Variants in FER1L6 observed in about 807,000 individuals in gnomAD.
FER1L6 encodes fer-1-like protein 6.
In FER1L6, 177 loss-of-function variants were observed where a neutral mutation model predicts 219.2. The observed-to-expected ratio is 0.81, with a 90% CI of 0.71 to 0.91. The LOEUF is 0.91. Ranked by LOEUF, FER1L6 falls within the 40% of genes least tolerant of loss-of-function variation. The probability of loss-of-function intolerance (pLI) is 0.00; values close to 1 mark genes in which losing one functional copy is unlikely to be tolerated. For synonymous variants in FER1L6, 768 were observed against 824.3 expected, an observed-to-expected ratio of 0.93 and a Z score of 1.17; for missense variants, 2,153 against 2,259.9, an observed-to-expected ratio of 0.95 and a Z score of 0.96.
chr8:123,950,647 T>A (rs1814718747), intron 1 of FER1L6, among the ~76,000 whole-genome samples: 1 of 152,186 alleles, frequency 6.6e-6, no homozygotes, highest in African/African-American at 2.4e-5. Context: ...AGATTCTCAA[T>A]CACTGTTTGT....
chr8:124,101,691 C>T (rs1172503101), intron 38 of FER1L6, among the ~76,000 whole-genome samples: 1 of 152,168 alleles, frequency 6.6e-6, no homozygotes, highest in Non-Finnish European at 1.5e-5. Context: ...AATTAAAGAG[C>T]ACTCCGTAGT....
At chr8:123,939,238 A>G (rs925031275) in intron 1 of FER1L6, 2 of 966,232 alleles carry the variant, frequency 2.1e-6, no homozygotes, top group African/African-American at 1.8e-5. Context: ...GGGAACCATG[A>G]CATTCTGTGG....
chr8:123,928,850 C>T (rs774776673), intron 1 of FER1L6, among the ~76,000 whole-genome samples: 1 of 152,174 alleles, frequency 6.6e-6, no homozygotes, highest in Non-Finnish European at 1.5e-5. Flanking sequence ...GTCATTCTTA[C>T]AGGAGTCATC....
intron 1 of FER1L6, among the ~76,000 whole-genome samples, chr8:123,902,331 C>T (rs1812874715): frequency 6.6e-6 from 1 of 152,134 alleles, no homozygotes; most frequent in South Asian, 2.1e-4. Flanking sequence ...CCATTTGTTT[C>T]AAGATATAGT....
chr8:124,003,059 A>T, intron 12 of FER1L6, 108 bp from the exon 13 acceptor site: 1 of 854,548 alleles, frequency 1.2e-6, no homozygotes, highest in Non-Finnish European at 1.9e-6. Flanking sequence ...TCATAATGGG[A>T]GCTTACCTTA....
chr8:123,938,538 G>A (rs1814093480), intron 1 of FER1L6, among the ~76,000 whole-genome samples: 1 of 122,670 alleles, frequency 8.2e-6, no homozygotes, highest in Non-Finnish European at 1.6e-5. Context: ...CAATTTACCT[G>A]AAATTTTTTT....
At chr8:124,067,705 G>A (rs1820885358) in intron 27 of FER1L6, 62 bp from the exon 28 acceptor site, 1 of 1,400,104 alleles carries the variant, frequency 7.1e-7, no homozygotes. Context: ...TGAGATAATT[G>A]TTAGCAGTCA....
rs568838743 is a variant in FER1L6, at chr8:124,035,698, T to C, written c.2464+244T>C. ...TGTTTCTCTGTTAATAGAGAGGAAG[T>C]AATTTGAGTTTCTTTGTAGGCAGAT... On this transcript the variant is annotated intron_variant, in intron 19 of 40. Transcript: ENST00000522917. 2.0e-5 allele frequency among the ~76,000 whole-genome samples: 3 copies of C among 152,344 alleles called. No homozygotes were observed. The South Asian group carries it at 6.2e-4, about 32-fold the overall frequency.
chr8:123,882,665 A>G (rs1357765165), intron 1 of FER1L6, among the ~76,000 whole-genome samples: 1 of 152,216 alleles, frequency 6.6e-6, no homozygotes, highest in East Asian at 1.9e-4. Flanking sequence ...TAAAATAGAT[A>G]TGAAACAAAT....
chr8:123,942,272 G>A (rs543135593), intron 1 of FER1L6, among the ~76,000 whole-genome samples: 2 of 152,264 alleles, frequency 1.3e-5, no homozygotes, highest in African/African-American at 4.8e-5. Context: ...ACCATTGCCA[G>A]CCCACAGGGG....
At chr8:123,953,159 T>C (rs890534844) in intron 1 of FER1L6, among the ~76,000 whole-genome samples, 5 of 152,170 alleles carry the variant, frequency 3.3e-5, no homozygotes, top group Admixed American at 2.6e-4. Flanking sequence ...AGAAATCAAT[T>C]TTCATCAAGA....
At chr8:123,965,501 G>T (rs1815497402) in intron 3 of FER1L6, among the ~76,000 whole-genome samples, 2 of 152,146 alleles carry the variant, frequency 1.3e-5, no homozygotes. Flanking sequence ...GAAATTTCAT[G>T]GAGATGGTAT....
At chr8:123,955,915 G>T in intron 1 of FER1L6, 77 bp from the exon 2 acceptor site, 1 of 1,377,048 alleles carries the variant, frequency 7.3e-7, no homozygotes, top group Non-Finnish European at 1.0e-6. Context: ...AGCTCGGTGT[G>T]TTTTTGTGTT....
intron 35 of FER1L6, among the ~76,000 whole-genome samples, chr8:124,097,003 C>A (rs577755360): frequency 1.3e-5 from 2 of 151,886 alleles, no homozygotes; most frequent in African/African-American, 4.8e-5. Context: ...TATGTCTACC[C>A]CCTAGTTGAT....
intron 40 of FER1L6, among the ~76,000 whole-genome samples, chr8:124,119,390 G>A (rs73332244): frequency 4.6e-5 from 7 of 151,930 alleles, no homozygotes; most frequent in Admixed American, 1.3e-4. Flanking sequence ...CTGGACTCTC[G>A]CTCTCTGCTC....
At chr8:124,049,479 A>C (rs1819899926) in intron 21 of FER1L6, 128 bp from the exon 22 acceptor site, 1 of 1,075,322 alleles carries the variant, frequency 9.3e-7, no homozygotes, top group South Asian at 1.6e-5. Flanking sequence ...GCTTGGCAGG[A>C]GAAAAGAGTG....
At chr8:123,882,205 C>G (rs1817122065) in intron 1 of FER1L6, among the ~76,000 whole-genome samples, 2 of 151,776 alleles carry the variant, frequency 1.3e-5, no homozygotes, top group Non-Finnish European at 2.9e-5. Context: ...AATAAAGTCC[C>G]TGATGCCCAA....
intron 1 of FER1L6, among the ~76,000 whole-genome samples, chr8:123,941,975 C>T (rs1007706823): frequency 6.6e-6 from 1 of 152,114 alleles, no homozygotes; most frequent in African/African-American, 2.4e-5. Context: ...CTCTGACCAT[C>T]TTTGATTCCG....
At chr8:124,031,685 TG>T (rs1424736216) in intron 18 of FER1L6, among the ~76,000 whole-genome samples, 1 of 152,130 alleles carries the variant, frequency 6.6e-6, no homozygotes, top group African/African-American at 2.4e-5. Context: ...ATGGCTAACC[TG>T]GGGGTGAATG....
Sources: allele counts gnomAD v4.1 joint callset (sites outside exome capture counted in the v4.1 genomes callset), GRCh38; gene constraint gnomAD v4.1.1; transcripts MANE v1.5; gene names NCBI Gene and HGNC (gene_info 2026-07-23, HGNC 2026-07-21).